MDM2: variants seen among roughly 807,000 people sequenced by gnomAD.
MDM2 encodes E3 ubiquitin-protein ligase Mdm2.
In MDM2, 11 loss-of-function variants were observed where a neutral mutation model predicts 64.3. The ratio of observed to expected loss-of-function variants is 0.17; its 90% CI spans 0.11 to 0.28. The LOEUF (loss-of-function observed/expected upper bound fraction) is 0.28. Ranked by LOEUF, MDM2 falls within the 10% of genes least tolerant of loss-of-function variation. The pLI, the probability that MDM2 is intolerant of heterozygous loss-of-function variation, is 1.00. For synonymous variants in MDM2, 194 were observed against 192.9 expected, an observed-to-expected ratio of 1.01 and a Z score of -0.05; for missense variants, 388 against 577.1, an observed-to-expected ratio of 0.67 and a Z score of 3.36.
chr12:68,821,254 G>A (rs1009868113), intron 5 of MDM2, among the ~76,000 whole-genome samples: 5 of 151,796 alleles, frequency 3.3e-5, no homozygotes, highest in Admixed American at 6.6e-5. Context: ...CAGCATGTTG[G>A]CCAGGCTGGT....
chr12:68,841,985 AGCTGTT>A lies in MDM2; in HGVS notation c.*2139_*2144del. 2.6e-6 allele frequency: 1 copy of A among 389,452 alleles called. No homozygotes were observed. The highest frequency in any genetic ancestry group is 4.9e-6 in the Non-Finnish European group (1 of 202,644). 24.1% of individuals were successfully genotyped at this position (389,452 alleles called of 1,614,324 possible). ...TGACCACATCATGATGTTCATCTGC[AGCTGTT>A]GCAAGGTGTTCAGATTGTATAAACA... On this transcript the variant is annotated 3_prime_UTR_variant, in exon 11 of 11. Coordinates refer to ENST00000258149, the MANE Select transcript of MDM2 (RefSeq NM_002392.6).
chr12:68,834,442 C>CAA (rs1238918782), intron 8 of MDM2, among the ~76,000 whole-genome samples: 2 of 128,252 alleles, frequency 1.6e-5, no homozygotes, highest in African/African-American at 2.8e-5. Flanking sequence ...ACTCTTGTCT[C>CAA]AAAAAAAAAA....
chr12:68,820,908 T>C (rs1331724776), intron 5 of MDM2, among the ~76,000 whole-genome samples: 1 of 152,194 alleles, frequency 6.6e-6, no homozygotes, highest in Non-Finnish European at 1.5e-5. Flanking sequence ...TATATATACA[T>C]GGGTAAGTCA....
At position 68,844,526 on chromosome 12, in the gene MDM2, A is replaced by G. The variant is rs1467877892; in HGVS notation, c.*4677A>G. On this transcript the variant is annotated 3_prime_UTR_variant, in exon 11 of 11. Transcript: ENST00000258149. ...ACAGGGAGGGGAGTTTGGGCTAGCC[A>G]CCGTACCACTTGTCAGCGTGAAAAG... 2 of 228,804 alleles carry G rather than the reference A, an allele frequency of 8.7e-6. No homozygotes were observed. Among genetic ancestry groups the G allele is most frequent in the African/African-American group, 4.4e-5 (2 of 45,062 alleles). The allele number at this position is 228,804 out of a possible 1,614,324, so 14.2% of individuals were successfully genotyped here.
intron 4 of MDM2, among the ~76,000 whole-genome samples, chr12:68,819,398 C>T (rs1267034449): frequency 1.3e-5 from 2 of 152,170 alleles, no homozygotes; most frequent in Admixed American, 6.5e-5. Flanking sequence ...TGTTTTCCCC[C>T]GTGTCTGGTA....
At chr12:68,826,986 C>T (rs900172761) in intron 7 of MDM2, among the ~76,000 whole-genome samples, 7 of 152,066 alleles carry the variant, frequency 4.6e-5, no homozygotes, top group Non-Finnish European at 7.3e-5. Flanking sequence ...ACCATCCTGG[C>T]TAACACGGTG....
At chr12:68,823,646 T>A (rs549238695) in intron 5 of MDM2, among the ~76,000 whole-genome samples, 1 of 152,352 alleles carries the variant, frequency 6.6e-6, no homozygotes, top group East Asian at 1.9e-4. Flanking sequence ...CCTCTTTTTC[T>A]TATGTTTTGC....
intron 2 of MDM2, among the ~76,000 whole-genome samples, chr12:68,813,202 AC>A: frequency 6.6e-6 from 1 of 152,268 alleles, no homozygotes; most frequent in East Asian, 1.9e-4. Context: ...TGATAACAGG[AC>A]CCACTCTAAA....
rs60051373 is a variant in MDM2 at position 68,840,835 on chromosome 12, CTTTTTTTTTT to C, written c.*1004_*1013del. ...AATTAGTATTTAAATTTTAGATACT[CTTTTTTTTTT>C]TTTTTTTTTTTTTTTTTGAGACAGA... On this transcript the variant is annotated 3_prime_UTR_variant, in exon 11 of 11. Transcript: ENST00000258149. 0.062 allele frequency: 4,584 copies of C among 73,958 alleles called. 150 individuals carry two copies. Among genetic ancestry groups the C allele is most frequent in the East Asian group, 0.19 (585 of 3,118 alleles). 4.6% of individuals were successfully genotyped at this position (73,958 alleles called of 1,614,324 possible).
At chr12:68,839,168 A>C (rs1186699458) in intron 10 of MDM2, 106 bp from the exon 11 acceptor site, 9 of 934,784 alleles carry the variant, frequency 9.6e-6, no homozygotes, top group Non-Finnish European at 1.5e-5. Context: ...CTGAATATTG[A>C]GCCCTATGAT....
chr12:68,814,279 C>T (rs1049917070), intron 3 of MDM2, among the ~76,000 whole-genome samples: 7 of 152,212 alleles, frequency 4.6e-5, no homozygotes, highest in African/African-American at 1.7e-4. Flanking sequence ...GTCTTGAACT[C>T]CTAGTCTCAG....
intron 3 of MDM2, among the ~76,000 whole-genome samples, chr12:68,814,245 G>T (rs932855244): frequency 1.3e-5 from 2 of 152,016 alleles, no homozygotes; most frequent in African/African-American, 4.8e-5. Flanking sequence ...GTAGAGATGG[G>T]GTTTCTCCAT....
chr12:68,838,363 G>C (rs546434508), intron 10 of MDM2, among the ~76,000 whole-genome samples: 16 of 152,198 alleles, frequency 1.1e-4, no homozygotes, highest in Non-Finnish European at 2.1e-4. Context: ...ATGGTGGAAA[G>C]GTTTGTGGGA....
intron 8 of MDM2, 140 bp downstream of exon 8, chr12:68,829,071 A>G: frequency 1.2e-6 from 1 of 848,394 alleles, no homozygotes; most frequent in African/African-American, 1.7e-5. Context: ...ACTTTAAAAT[A>G]AAACTACTAT....
At chr12:68,815,457 T>TTA (rs1437670839) in intron 3 of MDM2, among the ~76,000 whole-genome samples, 5 of 147,788 alleles carry the variant, frequency 3.4e-5, no homozygotes, top group African/African-American at 1.0e-4. Context: ...TTTTTTTTTT[T>TTA]ATGTGACAGT....
intron 7 of MDM2, among the ~76,000 whole-genome samples, chr12:68,827,136 C>T (rs983435656): frequency 6.6e-5 from 10 of 152,086 alleles, no homozygotes; most frequent in African/African-American, 2.2e-4. Context: ...CGAGATTGTG[C>T]CATTATACTC....
At chr12:68,848,599 A>C (rs1884488380), downstream of MDM2, 1 of 152,278 alleles carries the variant, frequency 6.6e-6, no homozygotes, top group Admixed American at 6.5e-5. Flanking sequence ...GTCTTGGCTG[A>C]AAAGCCTTTT....
chr12:68,831,434 A>T (rs1375947127), intron 8 of MDM2, among the ~76,000 whole-genome samples: 1 of 152,158 alleles, frequency 6.6e-6, no homozygotes, highest in Non-Finnish European at 1.5e-5. Context: ...CCAGTCCTTT[A>T]ATACACAAAT....
At chr12:68,847,189 G>A (rs1884362171), downstream of MDM2, 1 of 58,110 alleles carries the variant, frequency 1.7e-5, no homozygotes, top group Non-Finnish European at 3.5e-5. Context: ...ATGTATGTGT[G>A]TGTACATTAT....
Sources: gnomAD v4.1 joint callset for allele counts (sites outside exome capture counted in the v4.1 genomes callset) on GRCh38, gnomAD v4.1.1 for gene constraint, MANE v1.5 for transcripts, NCBI Gene and HGNC (gene_info 2026-07-23, HGNC 2026-07-21) for gene names.